Variants in CDKAL1 observed in about 807,000 individuals in gnomAD.
CDKAL1 encodes CDKAL1 threonylcarbamoyladenosine tRNA methylthiotransferase.
A neutral mutation model predicts 68.2 loss-of-function variants in CDKAL1; 32 were observed. The observed-to-expected ratio is 0.47, with a 90% CI of 0.35 to 0.63. The LOEUF (loss-of-function observed/expected upper bound fraction) is 0.63, where lower values mean the gene tolerates loss of function less well. CDKAL1 is among the 30% of genes least tolerant of loss of function. The pLI is 0.00. For missense variants in CDKAL1, 606 were observed against 696.7 expected (o/e 0.87, Z 1.47); for synonymous variants, 234 against 244.3 (o/e 0.96, Z 0.39).
At chr6:20,933,158 G>A (rs573681080) in intron 9 of CDKAL1, among the ~76,000 whole-genome samples, 1 of 152,278 alleles carries the variant, frequency 6.6e-6, no homozygotes, top group East Asian at 1.9e-4. Flanking sequence ...GTAGCATGAA[G>A]GAAAAGGAGT....
intron 13 of CDKAL1, among the ~76,000 whole-genome samples, chr6:21,186,786 A>G (rs958460280): frequency 1.3e-5 from 2 of 152,040 alleles, no homozygotes; most frequent in Non-Finnish European, 2.9e-5. Flanking sequence ...TTGAAAAATG[A>G]CTAATATCCT....
intron 8 of CDKAL1, among the ~76,000 whole-genome samples, chr6:20,815,775 C>T (rs1777018056): frequency 6.6e-6 from 1 of 152,104 alleles, no homozygotes; most frequent in Non-Finnish European, 1.5e-5. Flanking sequence ...AGTTTGGTAA[C>T]TTCTGGTATG....
intron 9 of CDKAL1, among the ~76,000 whole-genome samples, chr6:20,908,840 T>G (rs540231619): frequency 6.6e-6 from 1 of 152,312 alleles, no homozygotes; most frequent in African/African-American, 2.4e-5. Flanking sequence ...TTGGTTATTT[T>G]TCTAAGAGGA....
At chr6:21,084,489 G>A (rs75175221) in intron 12 of CDKAL1, among the ~76,000 whole-genome samples, 4,089 of 152,184 alleles carry the variant, frequency 0.027, 175 homozygotes, top group East Asian at 0.2. Flanking sequence ...GGGGGAATTC[G>A]TAGGTCATAA....
rs60241965 is a variant in CDKAL1 at position 21,069,774 on chromosome 6, CTT to C, written c.1236+4575_1236+4576del. ...CAATAAAATCCCCCAGATTTTCTTT[CTT>C]TTTTTTTTTTTTTTTTTTTTTTTTT... On this transcript the variant is annotated intron_variant, in intron 12 of 15. Transcript: ENST00000274695. 4.2e-3 allele frequency among the ~76,000 whole-genome samples: 292 copies of C among 69,868 alleles called. 4 individuals are homozygous for C. Among genetic ancestry groups the C allele is most frequent in the African/African-American group, 0.011 (190 of 17,056 alleles). The allele number at this position is 69,868 out of a possible 152,430, so 45.8% of individuals were successfully genotyped here. A position where few individuals can be genotyped will look rare whatever the true frequency, so the allele number is the denominator to read the frequency against.
intron 11 of CDKAL1, among the ~76,000 whole-genome samples, chr6:21,035,469 A>T (rs1314221530): frequency 1.3e-5 from 2 of 152,142 alleles, no homozygotes; most frequent in Admixed American, 1.3e-4. Context: ...TTCCTTGTAC[A>T]TGTATTTTAA....
intron 6 of CDKAL1, among the ~76,000 whole-genome samples, chr6:20,745,060 C>G (rs115839194): frequency 5.6e-4 from 85 of 152,358 alleles, no homozygotes; most frequent in Middle Eastern, 6.8e-3. Flanking sequence ...GCCCTGCAGG[C>G]AGGTGAACAT....
At chr6:20,803,246 T>C (rs1776439448) in intron 8 of CDKAL1, among the ~76,000 whole-genome samples, 1 of 152,200 alleles carries the variant, frequency 6.6e-6, no homozygotes, top group African/African-American at 2.4e-5. Flanking sequence ...GTCCCATGGC[T>C]TCTTCCAGCC....
intron 5 of CDKAL1, among the ~76,000 whole-genome samples, chr6:20,737,109 T>C (rs938929613): frequency 6.6e-6 from 1 of 152,196 alleles, no homozygotes; most frequent in African/African-American, 2.4e-5. Flanking sequence ...TCCTCCTCCT[T>C]GTCTTTGTTC....
chr6:21,202,737 G>T (rs1224523171), intron 15 of CDKAL1, among the ~76,000 whole-genome samples: 1 of 152,174 alleles, frequency 6.6e-6, no homozygotes, highest in African/African-American at 2.4e-5. Context: ...CATAAACAAG[G>T]AAATGTAGTG....
At chr6:20,995,043 C>T (rs879433686) in intron 10 of CDKAL1, among the ~76,000 whole-genome samples, 6 of 152,296 alleles carry the variant, frequency 3.9e-5, no homozygotes, top group South Asian at 4.1e-4. Context: ...CATTCCATCT[C>T]GAAACCACTT....
chr6:20,848,289 T>TG (rs377409688), intron 9 of CDKAL1, among the ~76,000 whole-genome samples: 10 of 152,000 alleles, frequency 6.6e-5, no homozygotes, highest in African/African-American at 2.4e-4. Context: ...GTTTTTTTTT[T>TG]TTTTCCAATT....
intron 9 of CDKAL1, among the ~76,000 whole-genome samples, chr6:20,877,937 A>G (rs1760610474): frequency 6.6e-6 from 1 of 151,914 alleles, no homozygotes; most frequent in South Asian, 2.1e-4. Flanking sequence ...ACTTACTTAT[A>G]CTTTTCCGTA....
chr6:21,067,645 A>G (rs1771531586), intron 12 of CDKAL1, among the ~76,000 whole-genome samples: 1 of 152,152 alleles, frequency 6.6e-6, no homozygotes, highest in Admixed American at 6.5e-5. Flanking sequence ...TATTGCAGCA[A>G]ATACAGCTGA....
intron 13 of CDKAL1, among the ~76,000 whole-genome samples, chr6:21,165,057 CA>C (rs1183897132): frequency 1.3e-5 from 2 of 152,182 alleles, no homozygotes; most frequent in African/African-American, 4.8e-5. Flanking sequence ...GGTGTCTCTT[CA>C]AAGGAATAAA....
rs1251081953 is a variant in CDKAL1, at chr6:20,799,045, T to TTTTG, written c.638+17783_638+17784insGTTT. On this transcript the variant is annotated intron_variant, in intron 8 of 15. Coordinates refer to ENST00000274695, the MANE Select transcript of CDKAL1 (RefSeq NM_017774.3). ...ATATATTTGAAAAGAACTGAGTTTT[T>TTTTG]TTTTTTTTTTTTTTTTTTTTTTTTG... 3.4e-3 allele frequency among the ~76,000 whole-genome samples: 350 copies of TTTTG among 104,360 alleles called. 5 individuals carry two copies. The highest frequency in any genetic ancestry group is 5.2e-3 in the Non-Finnish European group (269 of 52,160). The allele number at this position is 104,360 out of a possible 152,430, so 68.5% of individuals were successfully genotyped here.
intron 4 of CDKAL1, among the ~76,000 whole-genome samples, chr6:20,646,190 G>T (rs1768451368): frequency 6.6e-6 from 1 of 150,482 alleles, no homozygotes; most frequent in South Asian, 2.1e-4. Context: ...CCGAGTAGCT[G>T]GGATTACAGG....
chr6:20,671,746 G>A (rs1454256207), intron 5 of CDKAL1, among the ~76,000 whole-genome samples: 1 of 151,258 alleles, frequency 6.6e-6, no homozygotes, highest in African/African-American at 2.4e-5. Flanking sequence ...ATTTTTTTTA[G>A]TGATGGGGTC....
At chr6:20,751,738 T>G (rs1773931692) in intron 6 of CDKAL1, among the ~76,000 whole-genome samples, 1 of 152,228 alleles carries the variant, frequency 6.6e-6, no homozygotes, top group African/African-American at 2.4e-5. Context: ...CACCAACTCC[T>G]TTCTTCATTG....
Sources: allele counts gnomAD v4.1 joint callset (sites outside exome capture counted in the v4.1 genomes callset), GRCh38; gene constraint gnomAD v4.1.1; transcripts MANE v1.5; gene names NCBI Gene and HGNC (gene_info 2026-07-23, HGNC 2026-07-21).